The following KIAA0319L variants were observed in gnomAD, a reference collection of about 807,000 sequenced individuals.
KIAA0319L encodes dyslexia-associated protein KIAA0319-like protein.
Under a neutral mutation model 120.1 loss-of-function variants are expected in KIAA0319L, and 55 were observed. That is an observed-to-expected ratio of 0.46 (90% CI 0.37 to 0.57). The LOEUF (loss-of-function observed/expected upper bound fraction) is 0.57. KIAA0319L is among the 20% of genes least tolerant of loss of function. KIAA0319L has a pLI of 0.00. For synonymous variants in KIAA0319L, 398 were observed against 471.9 expected (o/e 0.84, Z 2.03); for missense variants, 1,049 against 1,255.3 (o/e 0.84, Z 2.48).
chr1:35,515,741 A>T (rs1414174052), intron 2 of KIAA0319L, among the ~76,000 whole-genome samples: 3 of 152,170 alleles, frequency 2.0e-5, no homozygotes, highest in Non-Finnish European at 2.9e-5. Flanking sequence ...CACAAAAAAA[A>T]TTCAAAAGAT....
intron 9 of KIAA0319L, among the ~76,000 whole-genome samples, chr1:35,459,474 G>GAC (rs1642731948): frequency 6.6e-6 from 1 of 151,986 alleles, no homozygotes; most frequent in African/African-American, 2.4e-5. Flanking sequence ...GTGGGTGCCT[G>GAC]TAGTCCCAGC....
At chr1:35,534,308 C>A (rs1175007397) in intron 2 of KIAA0319L, among the ~76,000 whole-genome samples, 1 of 152,194 alleles carries the variant, frequency 6.6e-6, no homozygotes. Context: ...CGTGGTATTT[C>A]CATTTTTCCT....
chr1:35,504,763 T>A (rs1645148940), intron 3 of KIAA0319L, among the ~76,000 whole-genome samples: 1 of 152,190 alleles, frequency 6.6e-6, no homozygotes, highest in Admixed American at 6.5e-5. Flanking sequence ...TCTGATTATG[T>A]CATTCCCTAC....
At chr1:35,448,030 A>G (rs975190714) in intron 16 of KIAA0319L, 143 bp downstream of exon 16, 12 of 765,018 alleles carry the variant, frequency 1.6e-5, no homozygotes, top group Admixed American at 7.8e-5. Flanking sequence ...AGAAGACAGA[A>G]GTCTATTGAA....
intron 16 of KIAA0319L, among the ~76,000 whole-genome samples, chr1:35,445,065 AC>A (rs1322406725): frequency 6.6e-6 from 1 of 152,200 alleles, no homozygotes; most frequent in African/African-American, 2.4e-5. Flanking sequence ...ACACTGGTTT[AC>A]AGGTGTGACC....
chr1:35,451,293 G>A (rs923033042), intron 13 of KIAA0319L, among the ~76,000 whole-genome samples: 2 of 152,166 alleles, frequency 1.3e-5, no homozygotes, highest in Admixed American at 1.3e-4. Context: ...CAGCAATGCA[G>A]AGGGGCAAAA....
chr1:35,446,527 C>T (rs879794164), intron 16 of KIAA0319L, among the ~76,000 whole-genome samples: 1 of 152,202 alleles, frequency 6.6e-6, no homozygotes, highest in Non-Finnish European at 1.5e-5. Context: ...GTAAAATGCT[C>T]TCACTATAGT....
chr1:35,440,722 G>A (rs1641142192), intron 20 of KIAA0319L: 1 of 333,532 alleles, frequency 3.0e-6, no homozygotes, highest in African/African-American at 2.1e-5. Context: ...TAAGAGACAA[G>A]TCCAAGGTCC....
At chr1:35,541,986 T>C (rs1289559507) in intron 2 of KIAA0319L, among the ~76,000 whole-genome samples, 1 of 152,194 alleles carries the variant, frequency 6.6e-6, no homozygotes, top group African/African-American at 2.4e-5. Flanking sequence ...GCTATATGAA[T>C]GGAGGCCTAC....
chr1:35,521,937 C>A (rs1320256014), intron 2 of KIAA0319L, among the ~76,000 whole-genome samples: 1 of 151,926 alleles, frequency 6.6e-6, no homozygotes, highest in Admixed American at 6.6e-5. Flanking sequence ...CACACCACTG[C>A]ACTCCAACCT....
At chr1:35,538,111 C>T (rs914713897) in intron 2 of KIAA0319L, among the ~76,000 whole-genome samples, 2 of 152,120 alleles carry the variant, frequency 1.3e-5, no homozygotes, top group African/African-American at 4.8e-5. Flanking sequence ...ATTGATCATG[C>T]TTCTTTATGT....
intron 2 of KIAA0319L, among the ~76,000 whole-genome samples, chr1:35,522,893 C>T (rs1645981909): frequency 6.6e-6 from 1 of 151,482 alleles, no homozygotes; most frequent in African/African-American, 2.4e-5. Context: ...GTGGCAGGCG[C>T]CTGTAGTCCC....
At chr1:35,452,854 CAA>C (rs1337123537) in intron 12 of KIAA0319L, among the ~76,000 whole-genome samples, 43 of 152,096 alleles carry the variant, frequency 2.8e-4, no homozygotes, top group Non-Finnish European at 5.6e-4. Context: ...AACAAACAAA[CAA>C]ACACAATACA....
At chr1:35,509,509 G>A (rs564569377) in intron 2 of KIAA0319L, among the ~76,000 whole-genome samples, 2 of 152,354 alleles carry the variant, frequency 1.3e-5, no homozygotes, top group East Asian at 3.9e-4. Context: ...GGCAGAGATT[G>A]GAGCAATACG....
intron 12 of KIAA0319L, among the ~76,000 whole-genome samples, chr1:35,452,340 T>C (rs947168768): frequency 2.6e-5 from 4 of 152,166 alleles, no homozygotes; most frequent in African/African-American, 4.8e-5. Context: ...TAGGACACCC[T>C]ACAACCCTTC....
intron 2 of KIAA0319L, among the ~76,000 whole-genome samples, chr1:35,549,914 A>G (rs1034016724): frequency 6.6e-5 from 10 of 152,346 alleles, no homozygotes; most frequent in Middle Eastern, 6.8e-3. Flanking sequence ...TAGCATAACT[A>G]AAAGAGGCAA....
At chr1:35,557,477 C>T, upstream of KIAA0319L, 1 of 354,480 alleles carries the variant, frequency 2.8e-6, no homozygotes, top group Non-Finnish European at 5.6e-6. Flanking sequence ...CCCGCCCCTC[C>T]CCCGGGAAGG....
rs553144227 is a variant in KIAA0319L at position 35,437,050 on chromosome 1, C to T, written c.2963-1969G>A. On this transcript the variant is annotated intron_variant, in intron 20 of 20. Transcript: ENST00000325722. The surrounding 1 kb of genome is among the most constrained non-coding windows in gnomAD (Gnocchi z 4.1). ...TGCTCAGACCCACACCGAACCTGAG[C>T]GGGCTCTCCCAGCTCCCTTCGGTAG... Among the ~76,000 whole-genome samples, 48 of 152,292 alleles carry T rather than the reference C, an allele frequency of 3.2e-4. No homozygotes were observed. The highest frequency in any genetic ancestry group is 1.1e-3 in the African/African-American group (45 of 41,562).
At chr1:35,459,423 G>A (rs1642727764) in intron 9 of KIAA0319L, among the ~76,000 whole-genome samples, 1 of 151,400 alleles carries the variant, frequency 6.6e-6, no homozygotes. Flanking sequence ...TGGCTAACAC[G>A]GTCTCTACTA....
Sources: allele counts gnomAD v4.1 joint callset (sites outside exome capture counted in the v4.1 genomes callset), GRCh38; gene constraint gnomAD v4.1.1; non-coding constraint Gnocchi (gnomAD v3.1); transcripts MANE v1.5; gene names NCBI Gene and HGNC (gene_info 2026-07-23, HGNC 2026-07-21).